The following NFIB variants were observed in gnomAD, a reference collection of about 807,000 sequenced individuals.
NFIB encodes nuclear factor 1 B-type.
A neutral mutation model predicts 61.5 loss-of-function variants in NFIB; 11 were observed. The ratio of observed to expected loss-of-function variants is 0.18; its 90% confidence interval spans 0.11 to 0.30. The LOEUF (loss-of-function observed/expected upper bound fraction) is 0.30, where lower values mean the gene tolerates loss of function less well. NFIB is among the 10% of genes least tolerant of loss of function. NFIB has a pLI of 1.00. For missense variants in NFIB, 471 were observed against 608.9 expected, an observed-to-expected ratio of 0.77 and a Z score of 2.38; for synonymous variants, 260 against 216.5, an observed-to-expected ratio of 1.20 and a Z score of -1.76.
intron 10 of NFIB, among the ~76,000 whole-genome samples, chr9:14,095,356 A>C (rs1481658001): frequency 6.6e-6 from 1 of 152,112 alleles, no homozygotes; most frequent in Non-Finnish European, 1.5e-5. Context: ...TAGCTGTGGG[A>C]GGTTTTAGCC....
chr9:14,290,321 T>C (rs950808592), intron 2 of NFIB, among the ~76,000 whole-genome samples: 14 of 152,068 alleles, frequency 9.2e-5, no homozygotes, highest in Admixed American at 8.5e-4. Context: ...CTCCGCACTT[T>C]AGGCATAGCA....
chr9:14,403,284 T>G (rs1001575606), upstream of NFIB, among the ~76,000 whole-genome samples: 1 of 152,188 alleles, frequency 6.6e-6, no homozygotes, highest in Non-Finnish European at 1.5e-5. Flanking sequence ...CTTGTCTCTT[T>G]AAGAGACGAT....
chr9:14,195,010 T>C (rs558042815), intron 2 of NFIB, among the ~76,000 whole-genome samples: 1 of 152,120 alleles, frequency 6.6e-6, no homozygotes, highest in Non-Finnish European at 1.5e-5. Flanking sequence ...TTCTCCACAA[T>C]GTTCTATACC....
At chr9:14,169,075 C>A (rs1442860399) in intron 3 of NFIB, among the ~76,000 whole-genome samples, 4 of 152,132 alleles carry the variant, frequency 2.6e-5, no homozygotes, top group Non-Finnish European at 5.9e-5. Context: ...GAAAGTACTT[C>A]AATTCAGAAA....
At chr9:14,316,574 G>A (rs1044417044), upstream of NFIB, among the ~76,000 whole-genome samples, 5 of 152,248 alleles carry the variant, frequency 3.3e-5, no homozygotes, top group African/African-American at 1.2e-4. Context: ...CTGGGATAAA[G>A]TTGGCAGTCT....
rs2032807892 is a variant in NFIB at position 14,085,963 on chromosome 9, T to C, written c.*2346A>G. 1.7e-5 allele frequency: 4 copies of C among 229,274 alleles called. 1 individual carries two copies. The Admixed American group carries it at 2.3e-4, about 13-fold the overall frequency. 14.2% of individuals were successfully genotyped at this position (229,274 alleles called of 1,614,324 possible). ...AGACAGGCTCACTCTCCACTGTGGA[T>C]CTGGAACTTTCAAGAAAAACTATCA... On this transcript the variant is annotated 3_prime_UTR_variant, in exon 11 of 11. Coordinates refer to ENST00000380953, the MANE Select transcript of NFIB (RefSeq NM_001190737.2).
At chr9:14,353,427 C>G (rs1379099687) in intron 1 of NFIB, among the ~76,000 whole-genome samples, 1 of 152,136 alleles carries the variant, frequency 6.6e-6, no homozygotes, top group African/African-American at 2.4e-5. Context: ...GTGTCCTTGG[C>G]AGAGCGGGGG....
intron 6 of NFIB, among the ~76,000 whole-genome samples, chr9:14,127,961 T>C (rs1333364471): frequency 4.1e-5 from 6 of 148,024 alleles, no homozygotes; most frequent in African/African-American, 1.5e-4. Context: ...CAGAAATAAA[T>C]TGTTCATAAA....
At chr9:14,231,133 AAAATATATATATATATATATAT>A (rs1443259659) in intron 2 of NFIB, among the ~76,000 whole-genome samples, 3 of 67,216 alleles carry the variant, frequency 4.5e-5, no homozygotes, top group Admixed American at 1.7e-4. Context: ...AAAAAAAAAA[AAAATATATATATATATATATAT>A]ATATATATAT....
chr9:14,141,138 A>T (rs766602554), intron 6 of NFIB, among the ~76,000 whole-genome samples: 1 of 152,220 alleles, frequency 6.6e-6, no homozygotes, highest in East Asian at 1.9e-4. Context: ...GAAATTTAGC[A>T]CAACAGTTAA....
chr9:14,430,644 C>T, the NFIB span, among the ~76,000 whole-genome samples: 1 of 152,240 alleles, frequency 6.6e-6, no homozygotes, highest in Non-Finnish European at 1.5e-5. Flanking sequence ...TGCAGTGGCA[C>T]GATCTCAGCT....
chr9:14,334,792 A>C (rs904982824), intron 1 of NFIB, among the ~76,000 whole-genome samples: 12 of 152,208 alleles, frequency 7.9e-5, no homozygotes, highest in Non-Finnish European at 1.6e-4. Flanking sequence ...CAAGATAGGC[A>C]ACATTTCTAT....
chr9:14,187,112 GTCTC>G (rs1192405083), intron 2 of NFIB, among the ~76,000 whole-genome samples: 1 of 149,732 alleles, frequency 6.7e-6, no homozygotes. Context: ...CTCTGCTTCT[GTCTC>G]TCTGTCTCTT....
chr9:14,146,951 A>G, intron 5 of NFIB, 144 bp from the exon 6 acceptor site: 2 of 1,070,192 alleles, frequency 1.9e-6, no homozygotes, highest in Non-Finnish European at 2.7e-6. Flanking sequence ...AGTATTGAAG[A>G]TATCAATAGT....
intron 2 of NFIB, among the ~76,000 whole-genome samples, chr9:14,259,437 T>TA (rs1563952371): frequency 6.6e-6 from 1 of 152,180 alleles, no homozygotes; most frequent in Non-Finnish European, 1.5e-5. Flanking sequence ...ATCATAGAAA[T>TA]AAACTGGACT....
At chr9:14,375,463 C>T (rs1283327455) in intron 1 of NFIB, among the ~76,000 whole-genome samples, 1 of 152,146 alleles carries the variant, frequency 6.6e-6, no homozygotes, top group African/African-American at 2.4e-5. Flanking sequence ...CGAGACCAGC[C>T]TGACCAACAT....
At chr9:14,452,121 A>G in the NFIB span, among the ~76,000 whole-genome samples, 10 of 152,140 alleles carry the variant, frequency 6.6e-5, no homozygotes, top group Admixed American at 1.3e-4. Context: ...CTGGTCTCAT[A>G]AAGCCTTTCT....
chr9:14,116,496 G>C, intron 8 of NFIB, 150 bp from the exon 9 acceptor site: 1 of 708,830 alleles, frequency 1.4e-6, no homozygotes. Context: ...GGAGAGGCCA[G>C]TCAATGGTTG....
chr9:14,207,777 C>G (rs186828710), intron 2 of NFIB, among the ~76,000 whole-genome samples: 7 of 152,210 alleles, frequency 4.6e-5, no homozygotes. Flanking sequence ...CTGTACTTAA[C>G]CAGAGTTCAA....
Sources: allele counts gnomAD v4.1 joint callset (sites outside exome capture counted in the v4.1 genomes callset), GRCh38; gene constraint gnomAD v4.1.1; transcripts MANE v1.5; gene names NCBI Gene and HGNC (gene_info 2026-07-23, HGNC 2026-07-21).